The following PAXIP1 variants were observed in gnomAD, a reference collection of about 807,000 sequenced individuals.
The protein encoded by PAXIP1 is PAX-interacting protein 1.
PAXIP1 carries 19 observed loss-of-function variants against 140.6 expected under a neutral mutation model. The ratio of observed to expected loss-of-function variants is 0.14; its 90% CI spans 0.09 to 0.20. The LOEUF is 0.20. Ranked by LOEUF, PAXIP1 falls within the 10% of genes least tolerant of loss-of-function variation. The probability of loss-of-function intolerance (pLI) is 1.00; values close to 1 mark genes in which losing one functional copy is unlikely to be tolerated. For missense variants in PAXIP1, 920 were observed against 1,208.6 expected (o/e 0.76, Z 3.54); for synonymous variants, 442 against 444.6 (o/e 0.99, Z 0.07).
chr7:154,972,852 C>A (rs539234987), intron 6 of PAXIP1, among the ~76,000 whole-genome samples: 5 of 152,322 alleles, frequency 3.3e-5, no homozygotes, highest in African/African-American at 9.6e-5. Context: ...TGACTGAGGT[C>A]AAAAATGCTA....
chr7:155,000,189 C>T (rs943052117), intron 1 of PAXIP1: 1 of 152,156 alleles, frequency 6.6e-6, no homozygotes, highest in African/African-American at 2.4e-5. Flanking sequence ...ACAAGCTAGA[C>T]AACCTTTTCA....
intron 20 of PAXIP1, chr7:154,945,579 C>A: frequency 1.0e-6 from 1 of 985,122 alleles, no homozygotes; most frequent in Non-Finnish European, 1.2e-6. Flanking sequence ...CTGAGGTTGA[C>A]ACTGGTCAGA....
chr7:154,994,173 A>T (rs1330291690), intron 2 of PAXIP1, among the ~76,000 whole-genome samples: 1 of 152,126 alleles, frequency 6.6e-6, no homozygotes, highest in African/African-American at 2.4e-5. Context: ...TAAATTCATG[A>T]GGTGTTTGTT....
chr7:154,962,391 A>G lies in PAXIP1; in HGVS notation c.2057T>C (p.Met686Thr). The change falls in exon 10 of 21, where the codon ATG becomes ACG. Residue 686 changes from methionine to threonine, a missense_variant. By Grantham distance (81) the Met-to-Thr change is moderately conservative. This residue lies in a region of PAXIP1 where 303 missense variants were observed against 517.9 expected (regional missense o/e 0.59). Coordinates refer to ENST00000404141, the MANE Select transcript of PAXIP1 (RefSeq NM_007349.4). ...WLNTVLKKKK[M>T]VPPHRALHFP... is the part of the protein sequence containing the mutation. The stretch of plus-strand genomic sequence containing the variant: ...GTGAAGGGCTCGGTGCGGCGGTACC[A>G]TTTTCTTCTTCTTTAAGACTGTGTT... 1 of 1,611,306 alleles carries G rather than the reference A, an allele frequency of 6.2e-7. No individual in the cohort carries two copies. Among genetic ancestry groups the G allele is most frequent in the Non-Finnish European group, 8.5e-7 (1 of 1,178,752 alleles).
intron 5 of PAXIP1, 134 bp from the exon 6 acceptor site, chr7:154,976,465 C>T: frequency 8.0e-7 from 1 of 1,243,270 alleles, no homozygotes; most frequent in East Asian, 2.3e-5. Flanking sequence ...CAATTTTATA[C>T]AGAAGCAACG....
At chr7:154,955,297 C>T (rs978958394) in intron 15 of PAXIP1, among the ~76,000 whole-genome samples, 1 of 152,122 alleles carries the variant, frequency 6.6e-6, no homozygotes, top group African/African-American at 2.4e-5. Context: ...CTGGCCTATA[C>T]TAATAAGAAA....
Position 154,960,973 on chromosome 7 carries a change from T to C in PAXIP1, c.2354A>G (p.Gln785Arg). Residue 785 changes from glutamine to arginine, a missense_variant, in exon 12 of 21, where the codon CAG (glutamine) becomes CGG (arginine). Gln to Arg is a conservative substitution (Grantham distance 43, BLOSUM62 1). This residue lies in a region of PAXIP1 where 303 missense variants were observed against 517.9 expected (regional missense o/e 0.59). Transcript: ENST00000404141. ...TGCCGTGTAGCGACTATACTGAATC[T>C]GCCTCAGTGCCTCAAAGTTTCCCAG... ...ILLGNFEALR[Q>R]IQYSRYTAFS... is the part of the protein sequence containing the mutation. The C allele has an allele frequency of 6.2e-7, 1 of 1,602,782 alleles. No homozygotes were observed. Among genetic ancestry groups the C allele is most frequent in the Non-Finnish European group, 8.5e-7 (1 of 1,174,192 alleles).
intron 4 of PAXIP1, among the ~76,000 whole-genome samples, chr7:154,989,365 T>C (rs372294205): frequency 8.5e-5 from 13 of 152,344 alleles, no homozygotes; most frequent in African/African-American, 3.1e-4. Flanking sequence ...AGCAAGATTA[T>C]AACCAAATTT....
chr7:154,996,987 T>C (rs73493780), intron 2 of PAXIP1, among the ~76,000 whole-genome samples: 5,386 of 152,074 alleles, frequency 0.035, 353 homozygotes, highest in African/African-American at 0.12. Flanking sequence ...ACTGAGACAA[T>C]AGCTCCAGGC....
At chr7:154,988,294 C>T (rs1409894302) in intron 4 of PAXIP1, among the ~76,000 whole-genome samples, 1 of 152,180 alleles carries the variant, frequency 6.6e-6, no homozygotes, top group Non-Finnish European at 1.5e-5. Flanking sequence ...GCCACTCACA[C>T]CTTACATCCA....
At position 154,946,868 on chromosome 7, in the gene PAXIP1, A is replaced by C; in HGVS notation, c.2923-55T>G. ...GTTCTTAAAATGCTTTAATTTTTAG[A>C]GTACATAATTCTCATAGATTCTGCC... On this transcript the variant is annotated intron_variant, in intron 17 of 20. Transcript: ENST00000404141. The surrounding 1 kb of genome is among the most constrained non-coding windows in gnomAD (Gnocchi z 4.9). 1.5e-6 allele frequency: 2 copies of C among 1,341,390 alleles called. No individual in the cohort carries two copies. Among genetic ancestry groups the C allele is most frequent in the Non-Finnish European group, 2.1e-6 (2 of 970,078 alleles). 83.1% of individuals were successfully genotyped at this position (1,341,390 alleles called of 1,614,324 possible).
Position 154,968,658 on chromosome 7 carries a change from C to T in PAXIP1, c.1543G>A (p.Ala515Thr), listed in dbSNP as rs1563372407. ...AGGCTGTGCTGCTGCTGGAGCTGGG[C>T]AAGCTGCTGCTGCTGGAGCTGGTGC... ...QQHQLQQQQL[A>T]QLQQQHSLLQ... The change falls in exon 7 of 21, where the codon GCC (alanine) becomes ACC (threonine). Residue 515 changes from alanine (A) to threonine (T), a missense_variant. By Grantham distance (58) the Ala-to-Thr change is moderately conservative. Around this residue, in one of 5 missense-constraint regions of PAXIP1, gnomAD observed 133 missense variants for 88.4 expected, o/e 1.50. Transcript: ENST00000404141. 1.4e-6 allele frequency: 1 copy of T among 711,990 alleles called. No homozygotes were observed. Among genetic ancestry groups the T allele is most frequent in the Non-Finnish European group, 2.6e-6 (1 of 383,380 alleles). 44.1% of individuals were successfully genotyped at this position (711,990 alleles called of 1,614,324 possible).
intron 8 of PAXIP1, 151 bp downstream of exon 8, chr7:154,967,665 G>A (rs1164109233): frequency 1.0e-5 from 6 of 593,920 alleles, no homozygotes; most frequent in Non-Finnish European, 1.8e-5. Context: ...CTGTGCCTCA[G>A]GTCACACAGA....
Position 154,946,375 on chromosome 7 carries a change from C to G in PAXIP1, c.3184G>C (p.Asp1062His). The G allele has an allele frequency of 6.2e-7, 1 of 1,613,950 alleles. No homozygotes were observed. The stretch of plus-strand genomic sequence containing the variant: ...TTTTGGAAAGGATATGATTCATAGT[C>G]CAGCGTTTGAGTGAGCACTCCAGTC... ...VLTGVLTQTL[D>H]YESYKFN The change falls in exon 20 of 21, where the codon GAC (aspartate) becomes CAC (histidine). Residue 1062 changes from aspartate (D) to histidine (H), a missense_variant. Asp to His is a moderately conservative substitution (Grantham distance 81). Around this residue, in one of 5 missense-constraint regions of PAXIP1, gnomAD observed 303 missense variants for 517.9 expected, o/e 0.59. Transcript: ENST00000404141. This position sits in a 1 kb window ranked among gnomAD's most constrained non-coding sequence, Gnocchi z 4.9.
chr7:154,993,905 C>A, intron 2 of PAXIP1, 136 bp from the exon 3 acceptor site: 2 of 632,320 alleles, frequency 3.2e-6, no homozygotes, highest in Non-Finnish European at 5.4e-6. Context: ...TATGAATATT[C>A]AAATAGAAAT....
chr7:154,954,915 T>C lies in PAXIP1; in HGVS notation c.2653-492A>G, dbSNP rs916092844. ...TAAAGGTGGAGAAATTAATTTGTTC[T>C]AAATGTATAATACTAGCATTTATAA... On this transcript the variant is annotated intron_variant, in intron 15 of 20. Transcript: ENST00000404141. The surrounding 1 kb of genome is among the most constrained non-coding windows in gnomAD (Gnocchi z 5.1). 6.6e-6 allele frequency among the ~76,000 whole-genome samples: 1 copy of C among 152,264 alleles called. No individual in the cohort carries two copies. The highest frequency in any genetic ancestry group is 1.5e-5 in the Non-Finnish European group (1 of 68,050).
At chr7:154,980,973 T>C (rs192499065) in intron 5 of PAXIP1, among the ~76,000 whole-genome samples, 56 of 151,982 alleles carry the variant, frequency 3.7e-4, no homozygotes, top group African/African-American at 1.4e-3. Flanking sequence ...ATACAAAAAT[T>C]AGTCAGGTGT....
intron 4 of PAXIP1, among the ~76,000 whole-genome samples, chr7:154,990,708 C>T (rs1810291043): frequency 6.6e-6 from 1 of 151,980 alleles, no homozygotes; most frequent in African/African-American, 2.4e-5. Flanking sequence ...AAATTCTTTG[C>T]CTGTATTTCT....
At chr7:154,948,363 C>T in intron 16 of PAXIP1, 1 of 226,810 alleles carries the variant, frequency 4.4e-6, no homozygotes, top group Non-Finnish European at 8.9e-6. Context: ...CTGGGCAACA[C>T]AGTGAGACTT....
Sources: gnomAD v4.1 joint callset for allele counts (sites outside exome capture counted in the v4.1 genomes callset) on GRCh38, gnomAD v4.1.1 for gene constraint, gnomAD v4.1.1 regional missense constraint, Gnocchi (gnomAD v3.1) non-coding constraint, MANE v1.5 for transcripts, NCBI Gene and HGNC (gene_info 2026-07-23, HGNC 2026-07-21) for gene names.